SKAP1: variants seen among roughly 807,000 people sequenced by gnomAD.
SKAP1 encodes the protein src kinase-associated phosphoprotein 1.
SKAP1 carries 44 observed loss-of-function variants against 58.5 expected under a neutral mutation model. The observed-to-expected ratio is 0.75, with a 90% confidence interval of 0.59 to 0.97. SKAP1 has a LOEUF of 0.97. SKAP1 is among the 50% of genes least tolerant of loss of function. The probability of loss-of-function intolerance (pLI) is 0.00; values close to 1 mark genes in which losing one functional copy is unlikely to be tolerated. For missense variants in SKAP1, 390 were observed against 435.2 expected, an observed-to-expected ratio of 0.90 and a Z score of 0.92; for synonymous variants, 127 against 149.7, an observed-to-expected ratio of 0.85 and a Z score of 1.11.
chr17:48,238,407 G>C (rs569167654), intron 4 of SKAP1, among the ~76,000 whole-genome samples: 1 of 152,028 alleles, frequency 6.6e-6, no homozygotes, highest in Non-Finnish European at 1.5e-5. Context: ...TATTTATTTT[G>C]AGTTTTTTTT....
intron 10 of SKAP1, among the ~76,000 whole-genome samples, chr17:48,164,419 C>T (rs940218130): frequency 6.6e-6 from 1 of 152,126 alleles, no homozygotes; most frequent in African/African-American, 2.4e-5. Context: ...AGCAGATAGT[C>T]ACTTTGGAGT....
At chr17:48,262,549 G>T (rs2065496738) in intron 4 of SKAP1, among the ~76,000 whole-genome samples, 2 of 152,132 alleles carry the variant, frequency 1.3e-5, no homozygotes, top group Admixed American at 1.3e-4. Context: ...TCTGTTTGAT[G>T]AGTAAAAACT....
At chr17:48,177,853 A>G (rs1404580137) in intron 9 of SKAP1, among the ~76,000 whole-genome samples, 2 of 152,180 alleles carry the variant, frequency 1.3e-5, no homozygotes, top group Non-Finnish European at 2.9e-5. Flanking sequence ...TTGGCTGGGT[A>G]CAGTGTTGTC....
At chr17:48,432,366 T>G (rs1598697989), upstream of SKAP1, among the ~76,000 whole-genome samples, 1 of 151,384 alleles carries the variant, frequency 6.6e-6, no homozygotes, top group African/African-American at 2.4e-5. Context: ...GGGGCGGAGG[T>G]TGCAGTGAGC....
intron 4 of SKAP1, among the ~76,000 whole-genome samples, chr17:48,229,511 C>T (rs1356334843): frequency 6.6e-6 from 1 of 152,012 alleles, no homozygotes; most frequent in East Asian, 1.9e-4. Context: ...ATCTCAGCTA[C>T]TCGGGAGGCT....
At chr17:48,209,739 T>A (rs1438428684) in intron 4 of SKAP1, among the ~76,000 whole-genome samples, 1 of 152,194 alleles carries the variant, frequency 6.6e-6, no homozygotes, top group East Asian at 1.9e-4. Context: ...TGAAGGAAGA[T>A]GAAGAAATAG....
intron 1 of SKAP1, among the ~76,000 whole-genome samples, chr17:48,416,461 G>A (rs1211686071): frequency 6.6e-6 from 1 of 152,140 alleles, no homozygotes; most frequent in Non-Finnish European, 1.5e-5. Context: ...GTGGTGGTGG[G>A]CAGGGACTAA....
upstream of SKAP1, among the ~76,000 whole-genome samples, chr17:48,431,741 C>A (rs2067918208): frequency 6.6e-6 from 1 of 151,982 alleles, no homozygotes; most frequent in Non-Finnish European, 1.5e-5. Context: ...CAGACTCAAC[C>A]TACAGAATAT....
At chr17:48,260,180 T>C (rs1020733703) in intron 4 of SKAP1, among the ~76,000 whole-genome samples, 3 of 152,080 alleles carry the variant, frequency 2.0e-5, no homozygotes, top group African/African-American at 7.2e-5. Flanking sequence ...CTAAAAGAAA[T>C]AATTAGGAAT....
At chr17:48,241,696 C>T (rs889844257) in intron 4 of SKAP1, among the ~76,000 whole-genome samples, 32 of 152,180 alleles carry the variant, frequency 2.1e-4, no homozygotes, top group Admixed American at 1.8e-3. Context: ...AACATTCCAA[C>T]ATTCTTTTCA....
intron 4 of SKAP1, among the ~76,000 whole-genome samples, chr17:48,306,320 T>G (rs1335737445): frequency 6.6e-6 from 1 of 152,132 alleles, no homozygotes; most frequent in African/African-American, 2.4e-5. Flanking sequence ...CAACCCCAGA[T>G]TTTGCTTATT....
At chr17:48,294,988 T>C (rs16954904) in intron 4 of SKAP1, among the ~76,000 whole-genome samples, 26,302 of 152,164 alleles carry the variant, frequency 0.17, 2,320 homozygotes, top group Non-Finnish European at 0.19. Context: ...AGGCTGCATC[T>C]ATGCCAAAGT....
chr17:48,321,989 A>T (rs1017620131), intron 4 of SKAP1, among the ~76,000 whole-genome samples: 1 of 152,206 alleles, frequency 6.6e-6, no homozygotes, highest in Non-Finnish European at 1.5e-5. Flanking sequence ...GTCTAGCCAT[A>T]GCCTACTACT....
chr17:48,286,305 T>G (rs2065829391), intron 4 of SKAP1, among the ~76,000 whole-genome samples: 1 of 152,238 alleles, frequency 6.6e-6, no homozygotes. Context: ...ATGTGAAGCC[T>G]GGAATATATA....
intron 4 of SKAP1, among the ~76,000 whole-genome samples, chr17:48,288,141 A>G (rs1000955328): frequency 5.9e-5 from 9 of 152,182 alleles, no homozygotes; most frequent in East Asian, 3.8e-4. Flanking sequence ...TCTGATTTCT[A>G]TGAATTCATG....
chr17:48,175,279 T>A (rs1017299096), intron 9 of SKAP1, among the ~76,000 whole-genome samples: 7 of 152,270 alleles, frequency 4.6e-5, no homozygotes, highest in Admixed American at 3.3e-4. Context: ...GATAAAAGCT[T>A]CAAAAAATGC....
At chr17:48,371,070 C>A (rs2144429227) in intron 2 of SKAP1, among the ~76,000 whole-genome samples, 1 of 152,136 alleles carries the variant, frequency 6.6e-6, no homozygotes, top group African/African-American at 2.4e-5. Flanking sequence ...TAAGCGGGAG[C>A]TAAACATTAG....
intron 4 of SKAP1, among the ~76,000 whole-genome samples, chr17:48,310,182 A>G (rs2066204652): frequency 6.6e-6 from 1 of 152,194 alleles, no homozygotes. Context: ...CCTTTAACGA[A>G]CAGATGTACT....
At chr17:48,199,901 C>T (rs1399402848) in intron 4 of SKAP1, among the ~76,000 whole-genome samples, 1 of 151,970 alleles carries the variant, frequency 6.6e-6, no homozygotes, top group African/African-American at 2.4e-5. Context: ...AACGAAGTTG[C>T]ATATTAGATT....
Sources: gnomAD v4.1 joint callset for allele counts (sites outside exome capture counted in the v4.1 genomes callset) on GRCh38, gnomAD v4.1.1 for gene constraint, MANE v1.5 for transcripts, NCBI Gene and HGNC (gene_info 2026-07-23, HGNC 2026-07-21) for gene names.